ACVR2B: variants seen among roughly 807,000 people sequenced by gnomAD.
ACVR2B encodes the protein activin A receptor type 2B.
ACVR2B carries 18 observed loss-of-function variants against 65.1 expected under a neutral mutation model. That is an observed-to-expected ratio of 0.28 (90% CI 0.19 to 0.41). ACVR2B has a LOEUF of 0.41. Ranked by LOEUF, ACVR2B falls within the 10% of genes least tolerant of loss-of-function variation. ACVR2B has a pLI of 1.00. For synonymous variants in ACVR2B, 298 were observed against 277.7 expected, an observed-to-expected ratio of 1.07 and a Z score of -0.73; for missense variants, 482 against 682.7, an observed-to-expected ratio of 0.71 and a Z score of 3.28.
Position 38,479,184 on chromosome 3 carries a change from C to T in ACVR2B, c.723C>T (p.His241=), listed in dbSNP as rs147640696. 36 of 1,614,168 alleles carry T rather than the reference C, an allele frequency of 2.2e-5. No individual in the cohort carries two copies. The highest frequency in any genetic ancestry group is 1.6e-4 in the Middle Eastern group (1 of 6,062). ...TCTTCAGCACACCTGGCATGAAGCA[C>T]GAGAACCTGCTACAGTTCATTGCTG... is the stretch of plus-strand genomic sequence containing the variant. ...REIFSTPGMK[H]ENLLQFIAAE... is the part of the protein sequence containing the mutation. Residue 241 remains histidine, a synonymous_variant, in exon 6 of 11, where the codon CAC becomes CAT. Transcript: ENST00000352511.
In ACVR2B at chr3:38,479,723, G is replaced by A; in HGVS notation, c.856G>A (p.Glu286Lys). The change falls in exon 7 of 11, where the codon GAA becomes AAA. Residue 286 changes from glutamate (E) to lysine (K), a missense_variant. Coordinates refer to ENST00000352511, the MANE Select transcript of ACVR2B (RefSeq NM_001106.4). ...CAAGGGGAACATCATCACATGGAAC[G>A]AACTGTGTCATGTAGCAGAGACGAT... ...YLKGNIITWNELCHVAETMSR... is the reference protein window; with the variant it reads ...YLKGNIITWNKLCHVAETMSR... 6.2e-7 allele frequency: 1 copy of A among 1,614,186 alleles called. No homozygotes were observed.
At chr3:38,478,335 G>C (rs1351106555) in intron 4 of ACVR2B, 40 bp from the exon 5 acceptor site, 1 of 1,614,098 alleles carries the variant, frequency 6.2e-7, no homozygotes, top group Non-Finnish European at 8.5e-7. Flanking sequence ...TAGAGGTGGG[G>C]AGGACAGGCC....
At position 38,465,672 on chromosome 3, in the gene ACVR2B, G is replaced by A. The variant is rs879575082; in HGVS notation, c.52+11298G>A. On this transcript the variant is annotated intron_variant, in intron 1 of 10. Coordinates refer to ENST00000352511, the MANE Select transcript of ACVR2B (RefSeq NM_001106.4). ...GGATAATAACAGAATAAAGAGAAAC[G>A]CATAGAGGATGAAATGAGAAGGTCT... 5.9e-5 allele frequency among the ~76,000 whole-genome samples: 9 copies of A among 152,236 alleles called. 1 individual carries two copies. Among genetic ancestry groups the A allele is most frequent in the South Asian group, 4.1e-4 (2 of 4,820 alleles).
intron 1 of ACVR2B, among the ~76,000 whole-genome samples, chr3:38,458,136 G>A (rs532347363): frequency 7.9e-5 from 12 of 152,258 alleles, no homozygotes; most frequent in African/African-American, 2.9e-4. Flanking sequence ...CATCACTTGG[G>A]TGGGCCTCTA....
At position 38,485,482 on chromosome 3, in the gene ACVR2B, A is replaced by G. The variant is rs529265368; in HGVS notation, c.*2150A>G. On this transcript the variant is annotated 3_prime_UTR_variant, in exon 11 of 11. Coordinates refer to ENST00000352511, the MANE Select transcript of ACVR2B (RefSeq NM_001106.4). ...GGGCACTGCACATGCCTGGGCATCTACCTAGTGTGCTATGTTCAGTGTCTG... is the reference window on the plus strand; with the variant it reads ...GGGCACTGCACATGCCTGGGCATCTGCCTAGTGTGCTATGTTCAGTGTCTG... 2 of 152,126 alleles carry G rather than the reference A, an allele frequency of 1.3e-5. No homozygotes were observed. The highest frequency in any genetic ancestry group is 1.9e-4 in the East Asian group (1 of 5,162). The allele number at this position is 152,126 out of a possible 1,614,324, so 9.4% of individuals were successfully genotyped here. A position where few individuals can be genotyped will look rare whatever the true frequency, so the allele number is the denominator to read the frequency against.
At chr3:38,473,437 CTG>C (rs1366834791) in intron 1 of ACVR2B, 4 of 152,348 alleles carry the variant, frequency 2.6e-5, no homozygotes, top group Non-Finnish European at 5.9e-5. Context: ...GGGTGGGAAT[CTG>C]TATCTATTAA....
intron 10 of ACVR2B, among the ~76,000 whole-genome samples, chr3:38,482,819 C>T (rs985958688): frequency 1.3e-5 from 2 of 152,136 alleles, no homozygotes; most frequent in African/African-American, 4.8e-5. Flanking sequence ...TGAATATCAG[C>T]ACTTCAAGGC....
chr3:38,492,801 CACATA>C lies in ACVR2B; in HGVS notation c.*9470_*9474del, dbSNP rs2059823725. On this transcript the variant is annotated 3_prime_UTR_variant, in exon 11 of 11. Transcript: ENST00000352511. ...ACACACACACACACACACACACACA[CACATA>C]CACCTAAAATGGCCTAAAGCAGACA... 2 of 70,612 alleles carry C rather than the reference CACATA, an allele frequency of 2.8e-5. No individual in the cohort carries two copies. The highest frequency in any genetic ancestry group is 5.1e-5 in the African/African-American group (1 of 19,506). The allele number at this position is 70,612 out of a possible 1,614,324, so 4.4% of individuals were successfully genotyped here.
At chr3:38,456,700 A>T (rs537054386) in intron 1 of ACVR2B, among the ~76,000 whole-genome samples, 67 of 150,856 alleles carry the variant, frequency 4.4e-4, no homozygotes, top group South Asian at 1.1e-3. Flanking sequence ...CTCAAATGAC[A>T]GGGGTGGGGT....
Position 38,454,392 on chromosome 3 carries a change from C to G in ACVR2B, c.52+18C>G. 1 of 1,248,418 alleles carries G rather than the reference C, an allele frequency of 8.0e-7. No individual in the cohort carries two copies. The highest frequency in any genetic ancestry group is 1.0e-6 in the Non-Finnish European group (1 of 996,534). The allele number at this position is 1,248,418 out of a possible 1,614,324, so 77.3% of individuals were successfully genotyped here. A position where few individuals can be genotyped will look rare whatever the true frequency, so the allele number is the denominator to read the frequency against. ...GTGCGCCGGTAAGAACTGGGCGCGG[C>G]GCGGGGACGCCGAGAGGGCGCGCGG... is the stretch of plus-strand genomic sequence containing the variant. On this transcript the variant is annotated intron_variant, in intron 1 of 10. Coordinates refer to ENST00000352511, the MANE Select transcript of ACVR2B (RefSeq NM_001106.4).
rs2284818 is a variant in ACVR2B at position 38,469,423 on chromosome 3, G to C, written c.53-7864G>C. 1.8e-4 allele frequency among the ~76,000 whole-genome samples: 27 copies of C among 152,260 alleles called. No homozygotes were observed. In the East Asian group the frequency reaches 5.2e-3, roughly 29 times the overall value. Reference sequence around the variant, plus strand: ...GGCCTTTGCATGGCTTCAGACTTCTGTTGTGTTATACCTTCAGTAAAAATG... The same window carrying C: ...GGCCTTTGCATGGCTTCAGACTTCTCTTGTGTTATACCTTCAGTAAAAATG... On this transcript the variant is annotated intron_variant, in intron 1 of 10. Coordinates refer to ENST00000352511, the MANE Select transcript of ACVR2B (RefSeq NM_001106.4).
chr3:38,463,059 C>T (rs1709674427), intron 1 of ACVR2B, among the ~76,000 whole-genome samples: 1 of 152,124 alleles, frequency 6.6e-6, no homozygotes, highest in Admixed American at 6.6e-5. Flanking sequence ...GGCTCACTTC[C>T]ACTGGCTTAA....
At chr3:38,467,608 A>T (rs1370425070) in intron 1 of ACVR2B, among the ~76,000 whole-genome samples, 4 of 151,702 alleles carry the variant, frequency 2.6e-5, no homozygotes, top group Non-Finnish European at 5.9e-5. Context: ...AAATTAGCCG[A>T]GTGTGGTGGC....
chr3:38,491,237 C>T lies in ACVR2B; in HGVS notation c.*7905C>T, dbSNP rs1575594364. 4 of 152,538 alleles carry T rather than the reference C, an allele frequency of 2.6e-5. No individual in the cohort carries two copies. In the South Asian group the frequency reaches 6.2e-4, roughly 24 times the overall value. The allele number at this position is 152,538 out of a possible 1,614,324, so 9.4% of individuals were successfully genotyped here. ...AAAAAGTTTAATTAACCAGCAGTCA[C>T]CGCATCTGAATTTTTGTCTCTGGGG... On this transcript the variant is annotated 3_prime_UTR_variant, in exon 11 of 11. Transcript: ENST00000352511.
At chr3:38,458,595 G>A (rs1234865178) in intron 1 of ACVR2B, among the ~76,000 whole-genome samples, 1 of 152,170 alleles carries the variant, frequency 6.6e-6, no homozygotes, top group Non-Finnish European at 1.5e-5. Context: ...TTTCCAGAAA[G>A]CTGTCCTCTT....
intron 1 of ACVR2B, among the ~76,000 whole-genome samples, chr3:38,472,062 G>A (rs1157925956): frequency 3.3e-5 from 5 of 152,124 alleles, no homozygotes; most frequent in Admixed American, 6.5e-5. Context: ...TGTACATGCC[G>A]CTCCACAGTG....
intron 6 of ACVR2B, 108 bp from the exon 7 acceptor site, chr3:38,479,570 A>G: frequency 7.3e-7 from 1 of 1,368,200 alleles, no homozygotes; most frequent in South Asian, 1.2e-5. Flanking sequence ...GTAGCCTTCC[A>G]GGAGAGCAGC....
At position 38,485,003 on chromosome 3, in the gene ACVR2B, T is replaced by G. The variant is rs2125728185; in HGVS notation, c.*1671T>G. The G allele has an allele frequency of 6.6e-6, 1 of 152,648 alleles. No individual in the cohort carries two copies. Among genetic ancestry groups the G allele is most frequent in the Admixed American group, 6.5e-5 (1 of 15,304 alleles). 9.5% of individuals were successfully genotyped at this position (152,648 alleles called of 1,614,324 possible). A position where few individuals can be genotyped will look rare whatever the true frequency, so the allele number is the denominator to read the frequency against. On this transcript the variant is annotated 3_prime_UTR_variant, in exon 11 of 11. Transcript: ENST00000352511. ...ATTGTCATCAACTGTAGGTTGGCTGTCTGGGCCAAGTCTGGGCATTTATCA... is the reference window on the plus strand; with the variant it reads ...ATTGTCATCAACTGTAGGTTGGCTGGCTGGGCCAAGTCTGGGCATTTATCA...
chr3:38,465,961 A>G (rs1301162377), intron 1 of ACVR2B, among the ~76,000 whole-genome samples: 1 of 152,278 alleles, frequency 6.6e-6, no homozygotes, highest in Non-Finnish European at 1.5e-5. Context: ...CTGACAGCTA[A>G]CTTCTCAATA....
Sources: allele counts gnomAD v4.1 joint callset (sites outside exome capture counted in the v4.1 genomes callset), GRCh38; gene constraint gnomAD v4.1.1; transcripts MANE v1.5; gene names NCBI Gene and HGNC (gene_info 2026-07-23, HGNC 2026-07-21).